Variants in SEC23B observed in about 807,000 individuals in gnomAD.
SEC23B encodes protein transport protein Sec23B.
Under a neutral mutation model 104.3 loss-of-function variants are expected in SEC23B, and 77 were observed. The ratio of observed to expected loss-of-function variants is 0.74; its 90% CI spans 0.61 to 0.89. The LOEUF is 0.89. Among genes scored for constraint, SEC23B ranks in the 40% least tolerant of loss-of-function variants. The pLI, the probability that SEC23B is intolerant of heterozygous loss-of-function variation, is 0.00. For missense variants in SEC23B, 885 were observed against 949.4 expected, an observed-to-expected ratio of 0.93 and a Z score of 0.89; for synonymous variants, 338 against 332.5, an observed-to-expected ratio of 1.02 and a Z score of -0.18.
chr20:18,517,273 G>C (rs752984486), intron 4 of SEC23B, among the ~76,000 whole-genome samples: 8 of 152,194 alleles, frequency 5.3e-5, no homozygotes, highest in Non-Finnish European at 1.0e-4. Flanking sequence ...TTTGGGATAG[G>C]CAGTGGAGTT....
rs1436302615 is a variant in SEC23B at position 18,524,552 on chromosome 20, T to C, written c.486T>C (p.Ala162=). The C allele has an allele frequency of 6.2e-7, 1 of 1,614,074 alleles. No individual in the cohort carries two copies. Among genetic ancestry groups the C allele is most frequent in the African/African-American group, 1.3e-5 (1 of 74,932 alleles). ...CCCTGAGTCTTCTTCCTCCAGATGC[T>C]CTGGTGGGTCTGATCACATTTGGAA... is the stretch of plus-strand genomic sequence containing the variant. The part of the protein sequence containing the change: ...QMSLSLLPPD[A]LVGLITFGRM... Residue 162 remains alanine, a synonymous_variant, in exon 5 of 20, where the codon GCT becomes GCC. Transcript: ENST00000650089.
At chr20:18,532,499 G>A (rs1169927374) in intron 10 of SEC23B, among the ~76,000 whole-genome samples, 165 bp from the exon 11 acceptor site, 1 of 152,216 alleles carries the variant, frequency 6.6e-6, no homozygotes, top group East Asian at 1.9e-4. Flanking sequence ...TAATCACAGT[G>A]GCTGAGGAAA....
At chr20:18,557,118 T>C (rs35012025) in intron 19 of SEC23B, among the ~76,000 whole-genome samples, 316 of 152,364 alleles carry the variant, frequency 2.1e-3, no homozygotes, top group Non-Finnish European at 3.8e-3. Context: ...TAATTAATGA[T>C]ATGTTAGGGC....
chr20:18,533,055 A>G (rs1600251736), intron 11 of SEC23B, among the ~76,000 whole-genome samples: 1 of 152,232 alleles, frequency 6.6e-6, no homozygotes, highest in East Asian at 1.9e-4. Flanking sequence ...AAGCCACGGC[A>G]TGCTGTTCAG....
At chr20:18,538,474 C>T (rs969434675) in intron 12 of SEC23B, among the ~76,000 whole-genome samples, 23 of 151,864 alleles carry the variant, frequency 1.5e-4, no homozygotes, top group African/African-American at 2.2e-4. Context: ...AGGATGGTCT[C>T]GATCTCCTGA....
chr20:18,513,799 T>TA (rs1451437259), intron 3 of SEC23B, among the ~76,000 whole-genome samples: 5 of 152,266 alleles, frequency 3.3e-5, no homozygotes, highest in African/African-American at 1.2e-4. Context: ...TTTATTATAG[T>TA]AATTCTAAGG....
chr20:18,515,123 G>A (rs914797792), intron 3 of SEC23B, among the ~76,000 whole-genome samples: 1 of 152,112 alleles, frequency 6.6e-6, no homozygotes, highest in African/African-American at 2.4e-5. Flanking sequence ...GACCAGCCTG[G>A]GCAACATAAA....
intron 19 of SEC23B, among the ~76,000 whole-genome samples, chr20:18,555,932 A>G (rs1568626380): frequency 6.6e-6 from 1 of 151,782 alleles, no homozygotes; most frequent in African/African-American, 2.4e-5. Flanking sequence ...ATGTAGAATC[A>G]GTGGGAGCCC....
At chr20:18,552,953 A>G (rs997676304) in intron 17 of SEC23B, among the ~76,000 whole-genome samples, 1 of 152,252 alleles carries the variant, frequency 6.6e-6, no homozygotes, top group Non-Finnish European at 1.5e-5. Flanking sequence ...GCCATTTTGT[A>G]TGAGGGACTT....
chr20:18,535,023 A>G (rs1180258663), intron 11 of SEC23B, among the ~76,000 whole-genome samples: 5 of 152,114 alleles, frequency 3.3e-5, no homozygotes, highest in African/African-American at 7.2e-5. Flanking sequence ...GAATCCATCT[A>G]TCTTATTATC....
At chr20:18,544,358 G>C (rs974199191) in intron 14 of SEC23B, among the ~76,000 whole-genome samples, 3 of 152,218 alleles carry the variant, frequency 2.0e-5, no homozygotes, top group Non-Finnish European at 4.4e-5. Flanking sequence ...TAGGATTTCA[G>C]AGGGAGGATA....
chr20:18,514,065 A>G (rs189788639), intron 3 of SEC23B, among the ~76,000 whole-genome samples: 169 of 152,314 alleles, frequency 1.1e-3, no homozygotes, highest in Non-Finnish European at 1.9e-3. Flanking sequence ...AGTGCCATAT[A>G]AGTATTTGGT....
At chr20:18,521,445 G>T (rs1443246338) in intron 4 of SEC23B, among the ~76,000 whole-genome samples, 1 of 152,104 alleles carries the variant, frequency 6.6e-6, no homozygotes, top group Non-Finnish European at 1.5e-5. Context: ...TATATCTGAT[G>T]AAAAAGAGCC....
chr20:18,518,055 A>G (rs1027958523), intron 4 of SEC23B, among the ~76,000 whole-genome samples: 14 of 152,136 alleles, frequency 9.2e-5, no homozygotes, highest in African/African-American at 2.4e-4. Context: ...AGTTTGTCCT[A>G]CCGTTCCTGA....
chr20:18,542,192 TC>T (rs1275554635), intron 12 of SEC23B, 103 bp from the exon 13 acceptor site: 2 of 978,874 alleles, frequency 2.0e-6, no homozygotes, highest in East Asian at 4.8e-5. Context: ...TCAAGAACCT[TC>T]CTGTCATTGC....
At chr20:18,522,873 CA>C (rs1568603796) in intron 4 of SEC23B, among the ~76,000 whole-genome samples, 1 of 151,772 alleles carries the variant, frequency 6.6e-6, no homozygotes, top group East Asian at 1.9e-4. Context: ...CTGGCTAACA[CA>C]GTGAAACCCC....
chr20:18,542,886 A>G lies in SEC23B; in HGVS notation c.1512-133A>G, dbSNP rs1349822730. ...ACTTCTAGGCTCAAGCAGTCCTGCC[A>G]CCTTGCCCTCCCAAAGTGTTGGGAT... On this transcript the variant is annotated intron_variant, in intron 13 of 19. Coordinates refer to ENST00000650089, the MANE Select transcript of SEC23B (RefSeq NM_006363.6). 4.5e-6 allele frequency: 5 copies of G among 1,114,910 alleles called. No homozygotes were observed. The East Asian group carries it at 1.2e-4, about 26-fold the overall frequency. The allele number at this position is 1,114,910 out of a possible 1,614,324, so 69.1% of individuals were successfully genotyped here. A position where few individuals can be genotyped will look rare whatever the true frequency, so the allele number is the denominator to read the frequency against.
At chr20:18,528,315 A>G (rs947511626) in intron 9 of SEC23B, among the ~76,000 whole-genome samples, 1 of 152,158 alleles carries the variant, frequency 6.6e-6, no homozygotes, top group Admixed American at 6.5e-5. Flanking sequence ...TAAAAGCTAC[A>G]CTTTCTTTAG....
At chr20:18,531,942 C>T (rs1232162819) in intron 10 of SEC23B, among the ~76,000 whole-genome samples, 1 of 152,002 alleles carries the variant, frequency 6.6e-6, no homozygotes, top group Non-Finnish European at 1.5e-5. Flanking sequence ...CCTGTGGTTC[C>T]AGCTACTCAG....
Sources: gnomAD v4.1 joint callset for allele counts (sites outside exome capture counted in the v4.1 genomes callset) on GRCh38, gnomAD v4.1.1 for gene constraint, MANE v1.5 for transcripts, NCBI Gene and HGNC (gene_info 2026-07-23, HGNC 2026-07-21) for gene names.